Variants in HPSE2 observed in about 807,000 individuals in gnomAD.
HPSE2 encodes inactive heparanase-2.
HPSE2 carries 38 observed loss-of-function variants against 60.5 expected under a neutral mutation model. That is an observed-to-expected ratio of 0.63 (90% CI 0.48 to 0.82). The LOEUF is 0.82. Among genes scored for constraint, HPSE2 ranks in the 40% least tolerant of loss-of-function variants. The pLI, the probability that HPSE2 is intolerant of heterozygous loss-of-function variation, is 0.00. For missense variants in HPSE2, 713 were observed against 740.4 expected (o/e 0.96, Z 0.43); for synonymous variants, 295 against 293.2 (o/e 1.01, Z -0.06).
intron 9 of HPSE2, among the ~76,000 whole-genome samples, chr10:98,496,042 T>TG (rs1164136755): frequency 1.3e-5 from 2 of 152,046 alleles, no homozygotes; most frequent in Non-Finnish European, 2.9e-5. Context: ...TGATTTTTAG[T>TG]TGTTTTTGGT....
chr10:99,076,685 A>C (rs1187419333), intron 3 of HPSE2, among the ~76,000 whole-genome samples: 1 of 151,930 alleles, frequency 6.6e-6, no homozygotes, highest in East Asian at 1.9e-4. Flanking sequence ...TCCATGCCTG[A>C]CTCTATTTTT....
intron 10 of HPSE2, among the ~76,000 whole-genome samples, chr10:98,487,376 G>A (rs990796263): frequency 1.3e-5 from 2 of 152,182 alleles, no homozygotes; most frequent in African/African-American, 2.4e-5. Context: ...CATGACAGGC[G>A]GTGAGGTATC....
In HPSE2 at chr10:99,130,408, C is replaced by T. The variant is rs541406889; in HGVS notation, c.610+13830G>A. Among the ~76,000 whole-genome samples the T allele has an allele frequency of 3.9e-5, 6 of 152,216 alleles. No homozygotes were observed. The South Asian group carries it at 8.3e-4, about 21-fold the overall frequency. ...AATACTAGCTAACCAAATACAACAG[C>T]ATATCAAAAATATAATACACTATGA... On this transcript the variant is annotated intron_variant, in intron 3 of 11. Transcript: ENST00000370552.
At chr10:99,033,103 C>G (rs530177828) in intron 3 of HPSE2, among the ~76,000 whole-genome samples, 1 of 152,196 alleles carries the variant, frequency 6.6e-6, no homozygotes, top group African/African-American at 2.4e-5. Context: ...CCAGCTACTA[C>G]AACACTGAAG....
At chr10:98,803,433 T>C (rs1950965020) in intron 3 of HPSE2, among the ~76,000 whole-genome samples, 1 of 151,278 alleles carries the variant, frequency 6.6e-6, no homozygotes, top group Admixed American at 6.6e-5. Flanking sequence ...TAGGTTTTCT[T>C]CTAGGGTTTT....
intron 2 of HPSE2, among the ~76,000 whole-genome samples, chr10:99,222,298 C>T (rs1203119174): frequency 6.6e-6 from 1 of 152,094 alleles, no homozygotes; most frequent in Non-Finnish European, 1.5e-5. Flanking sequence ...AGACATTTTG[C>T]AGACTGTATA....
intron 3 of HPSE2, among the ~76,000 whole-genome samples, chr10:99,017,414 G>A (rs917987405): frequency 2.0e-5 from 3 of 152,172 alleles, no homozygotes; most frequent in African/African-American, 7.2e-5. Flanking sequence ...ATATGCTGCT[G>A]AATTCGGTTT....
chr10:98,543,021 C>A (rs1193787676), intron 9 of HPSE2, among the ~76,000 whole-genome samples: 44 of 152,052 alleles, frequency 2.9e-4, no homozygotes, highest in African/African-American at 9.4e-4. Context: ...CAAGACACAT[C>A]ATTGTCAGAT....
intron 5 of HPSE2, among the ~76,000 whole-genome samples, chr10:98,704,746 T>C (rs1212752990): frequency 1.3e-5 from 2 of 152,184 alleles, no homozygotes; most frequent in African/African-American, 2.4e-5. Flanking sequence ...TTACACCTTA[T>C]ACAAACATTA....
chr10:98,717,610 A>C (rs1349576958), intron 5 of HPSE2, among the ~76,000 whole-genome samples: 1 of 152,076 alleles, frequency 6.6e-6, no homozygotes, highest in Non-Finnish European at 1.5e-5. Context: ...AGATGCGAGA[A>C]TGGCTGGTGG....
chr10:99,121,165 A>G (rs759766684), intron 3 of HPSE2, among the ~76,000 whole-genome samples: 37 of 152,208 alleles, frequency 2.4e-4, no homozygotes, highest in Non-Finnish European at 4.7e-4. Context: ...GCTGGAGGCC[A>G]TCATCTTTAG....
At chr10:98,727,011 C>T (rs1949101716) in intron 4 of HPSE2, among the ~76,000 whole-genome samples, 1 of 152,140 alleles carries the variant, frequency 6.6e-6, no homozygotes, top group African/African-American at 2.4e-5. Flanking sequence ...TCTGATCAAT[C>T]TTCAGCTCAC....
At chr10:98,864,726 G>C (rs1193950909) in intron 3 of HPSE2, among the ~76,000 whole-genome samples, 1 of 152,050 alleles carries the variant, frequency 6.6e-6, no homozygotes, top group Non-Finnish European at 1.5e-5. Context: ...ATTGAAAGTT[G>C]CTATGTGTAT....
chr10:98,775,680 T>C (rs1589806691), intron 3 of HPSE2, among the ~76,000 whole-genome samples: 1 of 152,254 alleles, frequency 6.6e-6, no homozygotes, highest in East Asian at 1.9e-4. Context: ...GGCAAACTCA[T>C]CTATCCCTTA....
intron 9 of HPSE2, among the ~76,000 whole-genome samples, chr10:98,491,060 G>A (rs1941626102): frequency 6.6e-6 from 1 of 151,954 alleles, no homozygotes; most frequent in South Asian, 2.1e-4. Context: ...TATAAAACAG[G>A]GCTTCCTAAT....
chr10:98,573,394 A>T (rs536884818), intron 9 of HPSE2, among the ~76,000 whole-genome samples: 1 of 152,256 alleles, frequency 6.6e-6, no homozygotes, highest in South Asian at 2.1e-4. Flanking sequence ...CATATAGAAC[A>T]TGTTTCTACT....
At chr10:99,080,068 A>G (rs529951986) in intron 3 of HPSE2, among the ~76,000 whole-genome samples, 2 of 152,330 alleles carry the variant, frequency 1.3e-5, no homozygotes, top group South Asian at 4.1e-4. Context: ...ACACTCACCC[A>G]GGATATAAAA....
intron 9 of HPSE2, among the ~76,000 whole-genome samples, chr10:98,526,515 A>T (rs1942972066): frequency 6.6e-6 from 1 of 152,228 alleles, no homozygotes; most frequent in Non-Finnish European, 1.5e-5. Flanking sequence ...TTCAAAAATC[A>T]CATTTCTTTG....
intron 2 of HPSE2, among the ~76,000 whole-genome samples, chr10:99,171,006 T>G (rs1847287709): frequency 6.6e-6 from 1 of 152,232 alleles, no homozygotes; most frequent in Non-Finnish European, 1.5e-5. Flanking sequence ...ATGTACAGAT[T>G]ATATGCAAAT....
Sources: allele counts gnomAD v4.1 joint callset (sites outside exome capture counted in the v4.1 genomes callset), GRCh38; gene constraint gnomAD v4.1.1; transcripts MANE v1.5; gene names NCBI Gene and HGNC (gene_info 2026-07-23, HGNC 2026-07-21).